The following NRXN3 variants were observed in gnomAD, a reference collection of about 807,000 sequenced individuals.
NRXN3 encodes the protein neurexin III.
NRXN3 carries 32 observed loss-of-function variants against 137.6 expected under a neutral mutation model. The observed-to-expected ratio is 0.23, with a 90% CI of 0.18 to 0.31. NRXN3 has a LOEUF of 0.31. NRXN3 is among the 10% of genes least tolerant of loss of function. The pLI, the probability that NRXN3 is intolerant of heterozygous loss-of-function variation, is 1.00. For synonymous variants in NRXN3, 798 were observed against 784.5 expected, an observed-to-expected ratio of 1.02 and a Z score of -0.29; for missense variants, 1,574 against 2,062.5, an observed-to-expected ratio of 0.76 and a Z score of 4.59.
chr14:79,454,842 G>A (rs898242063), intron 15 of NRXN3, among the ~76,000 whole-genome samples: 3 of 151,754 alleles, frequency 2.0e-5, no homozygotes, highest in Non-Finnish European at 4.4e-5. Context: ...ACTTTAATTA[G>A]GTAAAGTAAT....
chr14:78,867,975 A>C (rs1260992933), intron 10 of NRXN3, among the ~76,000 whole-genome samples: 2 of 148,498 alleles, frequency 1.3e-5, no homozygotes, highest in African/African-American at 4.9e-5. Flanking sequence ...ATAATTATAA[A>C]ATTACAAAAA....
intron 17 of NRXN3, among the ~76,000 whole-genome samples, chr14:79,664,752 C>T (rs1303428004): frequency 6.6e-6 from 1 of 152,072 alleles, no homozygotes; most frequent in Admixed American, 6.5e-5. Flanking sequence ...GAATGCTGAT[C>T]GTAAAAGTGC....
chr14:78,230,354 C>A (rs528178459), intron 1 of NRXN3, among the ~76,000 whole-genome samples: 1 of 151,652 alleles, frequency 6.6e-6, no homozygotes, highest in East Asian at 1.9e-4. Flanking sequence ...CTCTCTCTGG[C>A]AGTGACTTCC....
chr14:78,419,994 C>A (rs1340361532), intron 4 of NRXN3, among the ~76,000 whole-genome samples: 1 of 148,608 alleles, frequency 6.7e-6, no homozygotes, highest in Non-Finnish European at 1.5e-5. Context: ...CACGTAAAGT[C>A]CTGACTACCA....
chr14:78,336,009 G>C (rs1320962316), intron 4 of NRXN3, among the ~76,000 whole-genome samples: 1 of 152,180 alleles, frequency 6.6e-6, no homozygotes, highest in Non-Finnish European at 1.5e-5. Flanking sequence ...GTGCTTTGGA[G>C]CTGTGGTCTT....
At chr14:79,702,471 A>T (rs937150560) in intron 19 of NRXN3, among the ~76,000 whole-genome samples, 1 of 152,012 alleles carries the variant, frequency 6.6e-6, no homozygotes, top group African/African-American at 2.4e-5. Flanking sequence ...TTGTAAAAAG[A>T]GCACAATTGG....
chr14:78,817,691 C>T (rs965448650), intron 10 of NRXN3, among the ~76,000 whole-genome samples: 2 of 152,030 alleles, frequency 1.3e-5, no homozygotes, highest in Non-Finnish European at 2.9e-5. Flanking sequence ...GAGAGAGAAA[C>T]CAAAGAATAT....
chr14:79,321,011 A>G (rs925024216), intron 15 of NRXN3, among the ~76,000 whole-genome samples: 11 of 152,148 alleles, frequency 7.2e-5, no homozygotes, highest in Admixed American at 6.5e-5. Flanking sequence ...TCAAACTATC[A>G]CATCTGAGCG....
chr14:78,490,186 TACAGG>T (rs1185020039), intron 4 of NRXN3, among the ~76,000 whole-genome samples: 1 of 24,840 alleles, frequency 4.0e-5, no homozygotes, highest in Non-Finnish European at 8.6e-5. Context: ...GTGCTGGGAT[TACAGG>T]TGTGATCCAC....
At chr14:78,525,768 ATG>A (rs1164652706) in intron 4 of NRXN3, among the ~76,000 whole-genome samples, 3 of 152,164 alleles carry the variant, frequency 2.0e-5, no homozygotes, top group Non-Finnish European at 4.4e-5. Flanking sequence ...GGAAATCAAG[ATG>A]GCATTTCTCC....
chr14:78,213,621 C>A (rs2062960901), intron 1 of NRXN3, among the ~76,000 whole-genome samples: 1 of 152,142 alleles, frequency 6.6e-6, no homozygotes, highest in Admixed American at 6.5e-5. Flanking sequence ...TGGTTGTTGG[C>A]TGGAAGCAGC....
chr14:79,838,400 G>A (rs914348228), intron 20 of NRXN3, among the ~76,000 whole-genome samples: 9 of 152,092 alleles, frequency 5.9e-5, no homozygotes, highest in Admixed American at 2.6e-4. Context: ...GTTTCCCCAC[G>A]CTGACTTTTT....
At position 79,083,255 on chromosome 14, in the gene NRXN3, TGAA is replaced by T. The variant is rs1399596565; in HGVS notation, c.3262+95120_3262+95122del. On this transcript the variant is annotated intron_variant, in intron 15 of 20. Coordinates refer to ENST00000335750, the MANE Select transcript of NRXN3 (RefSeq NM_001330195.2). ...CACTCTGTCAGGAGTATTGGCAGAG[TGAA>T]GAAGACTTATTTGATTTCACTAAAG... is the stretch of plus-strand genomic sequence containing the variant. Among the ~76,000 whole-genome samples the T allele has an allele frequency of 3.9e-5, 6 of 152,230 alleles. No individual in the cohort carries two copies. In the East Asian group the frequency reaches 9.6e-4, roughly 24 times the overall value.
At chr14:78,851,499 T>G (rs1370451823) in intron 10 of NRXN3, among the ~76,000 whole-genome samples, 1 of 152,186 alleles carries the variant, frequency 6.6e-6, no homozygotes, top group Non-Finnish European at 1.5e-5. Context: ...CACTTCAGAA[T>G]CAGTCAACCT....
At chr14:78,634,813 T>C (rs2097552934) in intron 4 of NRXN3, among the ~76,000 whole-genome samples, 1 of 152,194 alleles carries the variant, frequency 6.6e-6, no homozygotes, top group Admixed American at 6.5e-5. Context: ...ATCAAATAAT[T>C]AGTGATCACT....
intron 16 of NRXN3, among the ~76,000 whole-genome samples, chr14:79,515,908 T>C (rs1468797049): frequency 6.6e-6 from 1 of 152,204 alleles, no homozygotes; most frequent in Non-Finnish European, 1.5e-5. Flanking sequence ...GGGGGATTTA[T>C]GTGCTTAAAT....
At chr14:78,660,658 A>G (rs1334456024) in intron 6 of NRXN3, among the ~76,000 whole-genome samples, 1 of 152,164 alleles carries the variant, frequency 6.6e-6, no homozygotes, top group Non-Finnish European at 1.5e-5. Flanking sequence ...GAGCCAAAAG[A>G]TGGGAAGAAA....
rs116719225 is a variant in NRXN3 at position 79,008,205 on chromosome 14, C to A, written c.3262+20064C>A. 5.9e-3 allele frequency among the ~76,000 whole-genome samples: 896 copies of A among 152,260 alleles called. 7 individuals carry two copies. The highest frequency in any genetic ancestry group is 0.021 in the African/African-American group (874 of 41,562). ...TCTGTTAAACCTTGTCGCCCCAAAT[C>A]AATTTAGGACAAAAAGCAGCAGCAC... On this transcript the variant is annotated intron_variant, in intron 15 of 20. Transcript: ENST00000335750.
intron 19 of NRXN3, among the ~76,000 whole-genome samples, chr14:79,717,721 T>A (rs1309782874): frequency 6.6e-6 from 1 of 152,192 alleles, no homozygotes; most frequent in Non-Finnish European, 1.5e-5. Context: ...ATAGTGCCCT[T>A]TCTTATCTTG....
Sources: allele counts gnomAD v4.1 joint callset (sites outside exome capture counted in the v4.1 genomes callset), GRCh38; gene constraint gnomAD v4.1.1; transcripts MANE v1.5; gene names NCBI Gene and HGNC (gene_info 2026-07-23, HGNC 2026-07-21).